AK5: variants seen among roughly 807,000 people sequenced by gnomAD.
The protein encoded by AK5 is adenylate kinase isoenzyme 5.
A neutral mutation model predicts 69.5 loss-of-function variants in AK5; 27 were observed. The observed-to-expected ratio is 0.39, with a 90% confidence interval of 0.29 to 0.54. The LOEUF (loss-of-function observed/expected upper bound fraction) is 0.54. Among genes scored for constraint, AK5 ranks in the 20% least tolerant of loss-of-function variants. The pLI, the probability that AK5 is intolerant of heterozygous loss-of-function variation, is 0.71. For synonymous variants in AK5, 260 were observed against 244.4 expected (o/e 1.06, Z -0.60); for missense variants, 531 against 700.4 (o/e 0.76, Z 2.73).
chr1:77,466,250 C>G (rs1045650794), intron 8 of AK5, among the ~76,000 whole-genome samples: 1 of 152,204 alleles, frequency 6.6e-6, no homozygotes, highest in African/African-American at 2.4e-5. Context: ...TTCACCCTTC[C>G]TTTTCCTTCC....
chr1:77,448,547 A>G (rs1258800251), intron 8 of AK5, among the ~76,000 whole-genome samples: 3 of 152,204 alleles, frequency 2.0e-5, no homozygotes, highest in Non-Finnish European at 4.4e-5. Context: ...GTCTCCTGAG[A>G]GTGGTATTGT....
chr1:77,507,752 CTT>C (rs1657106944), intron 10 of AK5, among the ~76,000 whole-genome samples: 2 of 152,194 alleles, frequency 1.3e-5, no homozygotes. Context: ...TCAACAAAGA[CTT>C]CCTGCAGTGA....
intron 13 of AK5, among the ~76,000 whole-genome samples, chr1:77,537,594 C>T (rs974968434): frequency 8.6e-5 from 13 of 151,980 alleles, no homozygotes; most frequent in Admixed American, 4.6e-4. Context: ...CCTGAGTACT[C>T]GAACTGGAGA....
At position 77,526,033 on chromosome 1, in the gene AK5, G is replaced by A. The variant is rs571614842; in HGVS notation, c.1428+4090G>A. Among the ~76,000 whole-genome samples the A allele has an allele frequency of 1.3e-3, 197 of 152,244 alleles. 1 individual carries two copies. Among genetic ancestry groups the A allele is most frequent in the African/African-American group, 4.6e-3 (189 of 41,532 alleles). On this transcript the variant is annotated intron_variant, in intron 12 of 13. Coordinates refer to ENST00000354567, the MANE Select transcript of AK5 (RefSeq NM_174858.3). Reference sequence around the variant, plus strand: ...ACATTAAATCTGTAGATCACTTTGGGTAATATCGACATCTTAGCAATATTA... The same window carrying A: ...ACATTAAATCTGTAGATCACTTTGGATAATATCGACATCTTAGCAATATTA...
At chr1:77,476,906 T>TAAA (rs144510620) in intron 8 of AK5, among the ~76,000 whole-genome samples, 3 of 148,542 alleles carry the variant, frequency 2.0e-5, no homozygotes, top group Non-Finnish European at 4.5e-5. Flanking sequence ...TGCTGTTTTT[T>TAAA]TAAAAAAAAA....
intron 5 of AK5, among the ~76,000 whole-genome samples, chr1:77,321,963 T>A (rs1296921813): frequency 1.3e-5 from 2 of 152,210 alleles, no homozygotes; most frequent in Non-Finnish European, 2.9e-5. Flanking sequence ...AATTTACTAA[T>A]CAATTGTATT....
At chr1:77,436,545 A>G (rs1651974469) in intron 8 of AK5, among the ~76,000 whole-genome samples, 2 of 151,814 alleles carry the variant, frequency 1.3e-5, no homozygotes, top group African/African-American at 2.4e-5. Flanking sequence ...CCAAGAACAA[A>G]CTTATATTTG....
At chr1:77,554,904 C>A (rs1660012299) in intron 13 of AK5, among the ~76,000 whole-genome samples, 1 of 151,988 alleles carries the variant, frequency 6.6e-6, no homozygotes. Context: ...GCGTGAGCCA[C>A]CATGCCCAGC....
At chr1:77,509,002 C>T (rs1314501678) in intron 10 of AK5, among the ~76,000 whole-genome samples, 5 of 152,196 alleles carry the variant, frequency 3.3e-5, no homozygotes. Context: ...AATTCAGCTT[C>T]TTCACTTTAC....
At chr1:77,444,282 ACATATGTG>A (rs1652551617) in intron 8 of AK5, among the ~76,000 whole-genome samples, 2 of 47,004 alleles carry the variant, frequency 4.3e-5, no homozygotes, top group Non-Finnish European at 8.3e-5. Flanking sequence ...TATATACACA[ACATATGTG>A]TATATATATA....
At chr1:77,403,410 TAGGGTTTTTATGGTTTTAGGTCTAACA>T in intron 6 of AK5, among the ~76,000 whole-genome samples, 1 of 152,144 alleles carries the variant, frequency 6.6e-6, no homozygotes, top group Non-Finnish European at 1.5e-5. Flanking sequence ...GGTTTTCTTC[TAGGGTTTTTATGGTTTTAGGTCTAACA>T]TTTAAGTCTT....
At chr1:77,468,243 A>G (rs1400492636) in intron 8 of AK5, among the ~76,000 whole-genome samples, 1 of 152,224 alleles carries the variant, frequency 6.6e-6, no homozygotes, top group African/African-American at 2.4e-5. Flanking sequence ...TCTTTCCTTA[A>G]CATTTAATAT....
intron 10 of AK5, among the ~76,000 whole-genome samples, chr1:77,498,214 C>T (rs577161922): frequency 6.6e-6 from 1 of 152,248 alleles, no homozygotes; most frequent in South Asian, 2.1e-4. Flanking sequence ...TGAAAATTGT[C>T]TGTGGGGTTT....
chr1:77,444,164 AC>A (rs1557597894), intron 8 of AK5, among the ~76,000 whole-genome samples: 1 of 113,012 alleles, frequency 8.8e-6, no homozygotes, highest in Non-Finnish European at 1.7e-5. Flanking sequence ...TCTCTCTCTC[AC>A]TCTCTCTCTA....
chr1:77,412,402 C>G (rs1650104208), intron 7 of AK5, among the ~76,000 whole-genome samples: 1 of 152,182 alleles, frequency 6.6e-6, no homozygotes, highest in African/African-American at 2.4e-5. Flanking sequence ...AGCTCATAAA[C>G]AGAAGACTCT....
At chr1:77,503,689 G>C (rs1656857812) in intron 10 of AK5, among the ~76,000 whole-genome samples, 1 of 152,076 alleles carries the variant, frequency 6.6e-6, no homozygotes, top group Non-Finnish European at 1.5e-5. Context: ...ATCACCTGAG[G>C]TCAGGAGTTC....
chr1:77,482,105 T>TA (rs1655290831), intron 8 of AK5, among the ~76,000 whole-genome samples: 1 of 152,254 alleles, frequency 6.6e-6, no homozygotes, highest in Non-Finnish European at 1.5e-5. Context: ...AATAAAAGTA[T>TA]AATGCTTTTG....
At chr1:77,451,153 G>T (rs1653125828) in intron 8 of AK5, among the ~76,000 whole-genome samples, 1 of 151,478 alleles carries the variant, frequency 6.6e-6, no homozygotes, top group Non-Finnish European at 1.5e-5. Context: ...TACAGCCTAG[G>T]CAACAGAGAG....
At chr1:77,475,544 A>AC (rs1553155042) in intron 8 of AK5, among the ~76,000 whole-genome samples, 6,911 of 104,204 alleles carry the variant, frequency 0.066, 481 homozygotes, top group African/African-American at 0.13. Flanking sequence ...ACAAATATAT[A>AC]TTATATATAT....
Sources: gnomAD v4.1 joint callset for allele counts (sites outside exome capture counted in the v4.1 genomes callset) on GRCh38, gnomAD v4.1.1 for gene constraint, MANE v1.5 for transcripts, NCBI Gene and HGNC (gene_info 2026-07-23, HGNC 2026-07-21) for gene names.